Variants in LINGO2 observed in about 807,000 individuals in gnomAD.
LINGO2 encodes the protein leucine-rich repeat and immunoglobulin-like domain-containing nogo receptor-interacting protein 2.
Under a neutral mutation model 30.6 loss-of-function variants are expected in LINGO2, and 14 were observed. That is an observed-to-expected ratio of 0.46 (90% confidence interval 0.30 to 0.72). LINGO2 has a LOEUF of 0.72. LINGO2 is among the 30% of genes least tolerant of loss of function. The pLI is 0.07. For missense variants in LINGO2, 729 were observed against 751.7 expected (o/e 0.97, Z 0.35); for synonymous variants, 317 against 288.5 (o/e 1.10, Z -1.00).
chr9:28,137,216 C>CACACACAT (rs1452039170), intron 4 of LINGO2, among the ~76,000 whole-genome samples: 2 of 151,692 alleles, frequency 1.3e-5, no homozygotes, highest in Non-Finnish European at 2.9e-5. Flanking sequence ...CACACACACA[C>CACACACAT]ACACACACAC....
intron 1 of LINGO2, among the ~76,000 whole-genome samples, chr9:28,614,778 A>G (rs780457912): frequency 1.6e-4 from 24 of 152,148 alleles, no homozygotes; most frequent in Non-Finnish European, 2.9e-4. Flanking sequence ...TGCTTCTCAT[A>G]TTATAACCTT....
intron 1 of LINGO2, among the ~76,000 whole-genome samples, chr9:28,579,023 G>T (rs912533211): frequency 1.3e-5 from 2 of 150,090 alleles, no homozygotes; most frequent in African/African-American, 4.9e-5. Context: ...TTTGTAAGAT[G>T]TAATTATTTG....
chr9:27,981,818 A>C (rs1461441522), intron 5 of LINGO2, among the ~76,000 whole-genome samples: 2 of 151,776 alleles, frequency 1.3e-5, no homozygotes, highest in Admixed American at 6.6e-5. Flanking sequence ...ATGCAAATAC[A>C]ATAGTAGTTT....
chr9:28,582,381 C>A (rs1380089296), intron 1 of LINGO2, among the ~76,000 whole-genome samples: 3 of 152,072 alleles, frequency 2.0e-5, no homozygotes, highest in Non-Finnish European at 4.4e-5. Context: ...TCAGGACAGT[C>A]TCACTCCAGT....
At chr9:28,389,330 GATA>G (rs1193403078) in intron 2 of LINGO2, among the ~76,000 whole-genome samples, 1 of 152,072 alleles carries the variant, frequency 6.6e-6, no homozygotes, top group African/African-American at 2.4e-5. Flanking sequence ...GTCAGAGAAA[GATA>G]ATGTTTGTCT....
chr9:28,718,771 T>G, the LINGO2 span, among the ~76,000 whole-genome samples: 1 of 152,064 alleles, frequency 6.6e-6, no homozygotes, highest in African/African-American at 2.4e-5. Context: ...CTAGCTTTGC[T>G]GACAATGTGT....
the LINGO2 span, chr9:27,941,477 G>A: frequency 0.28 from 42,113 of 152,108 alleles, 6,402 homozygotes; most frequent in Middle Eastern, 0.44. Flanking sequence ...ACCTTTTCTG[G>A]TTTCTTGCTA....
chr9:29,093,970 C>G, the LINGO2 span, among the ~76,000 whole-genome samples: 3 of 137,834 alleles, frequency 2.2e-5, no homozygotes, highest in African/African-American at 8.1e-5. Flanking sequence ...TTTCAAATTA[C>G]CTTGCTTAAG....
intron 4 of LINGO2, among the ~76,000 whole-genome samples, chr9:28,179,065 A>G (rs149560544): frequency 4.9e-4 from 74 of 152,084 alleles, no homozygotes; most frequent in African/African-American, 1.7e-3. Flanking sequence ...GAACCGCAGC[A>G]TGGAGCAAGT....
At chr9:28,443,654 C>T (rs1824288117) in intron 2 of LINGO2, among the ~76,000 whole-genome samples, 1 of 152,234 alleles carries the variant, frequency 6.6e-6, no homozygotes, top group Admixed American at 6.5e-5. Flanking sequence ...GCAGTGCTGA[C>T]ATGCCAGCCC....
chr9:28,794,388 C>T, the LINGO2 span, among the ~76,000 whole-genome samples: 2 of 152,200 alleles, frequency 1.3e-5, no homozygotes, highest in African/African-American at 4.8e-5. Context: ...CTTTATGCTA[C>T]ACCTTGGGGG....
the LINGO2 span, among the ~76,000 whole-genome samples, chr9:28,853,842 G>C: frequency 6.6e-6 from 1 of 151,820 alleles, no homozygotes; most frequent in African/African-American, 2.4e-5. Context: ...GGGGATTATG[G>C]GGATTATAAT....
chr9:28,526,317 T>A (rs941830524), intron 1 of LINGO2, among the ~76,000 whole-genome samples: 2 of 152,104 alleles, frequency 1.3e-5, no homozygotes, highest in South Asian at 4.1e-4. Context: ...TTACAACAGA[T>A]AGAAAAGCAG....
At chr9:28,379,505 A>G (rs1328470686) in intron 2 of LINGO2, among the ~76,000 whole-genome samples, 1 of 152,068 alleles carries the variant, frequency 6.6e-6, no homozygotes, top group Non-Finnish European at 1.5e-5. Context: ...CTTGAGTTAC[A>G]AGTTAAATTT....
chr9:29,036,323 G>A, the LINGO2 span, among the ~76,000 whole-genome samples: 2 of 152,080 alleles, frequency 1.3e-5, no homozygotes, highest in Admixed American at 1.3e-4. Context: ...TATGAAATTT[G>A]TGATATTTAT....
At chr9:29,072,177 A>G in the LINGO2 span, among the ~76,000 whole-genome samples, 1 of 152,092 alleles carries the variant, frequency 6.6e-6, no homozygotes, top group Admixed American at 6.6e-5. Flanking sequence ...TATATATTGA[A>G]TGAGGGCTAC....
chr9:28,700,806 A>C, the LINGO2 span, among the ~76,000 whole-genome samples: 1 of 152,078 alleles, frequency 6.6e-6, no homozygotes, highest in Non-Finnish European at 1.5e-5. Flanking sequence ...CATCCTTACC[A>C]GCATTTGGTG....
chr9:28,973,973 G>A, the LINGO2 span, among the ~76,000 whole-genome samples: 4 of 152,320 alleles, frequency 2.6e-5, no homozygotes, highest in African/African-American at 9.6e-5. Flanking sequence ...ACTGGTAATA[G>A]TAAGTACACA....
At chr9:28,685,495 T>C in the LINGO2 span, among the ~76,000 whole-genome samples, 2 of 152,156 alleles carry the variant, frequency 1.3e-5, no homozygotes, top group Non-Finnish European at 2.9e-5. Context: ...CAATTACTCA[T>C]AGAAAAAGAT....
Sources: allele counts gnomAD v4.1 joint callset (sites outside exome capture counted in the v4.1 genomes callset), GRCh38; gene constraint gnomAD v4.1.1; transcripts MANE v1.5; gene names NCBI Gene and HGNC (gene_info 2026-07-23, HGNC 2026-07-21).